STK4: variants seen among roughly 807,000 people sequenced by gnomAD.
STK4 encodes the protein serine/threonine-protein kinase 4.
In STK4, 30 loss-of-function variants were observed where a neutral mutation model predicts 64.9. The observed-to-expected ratio is 0.46, with a 90% confidence interval of 0.35 to 0.63. The LOEUF (loss-of-function observed/expected upper bound fraction) is 0.63. Among genes scored for constraint, STK4 ranks in the 20% least tolerant of loss-of-function variants. STK4 has a pLI of 0.01. For missense variants in STK4, 466 were observed against 598.5 expected (o/e 0.78, Z 2.31); for synonymous variants, 177 against 199.0 (o/e 0.89, Z 0.93).
At chr20:45,053,928 A>G (rs1161621459) in intron 10 of STK4, among the ~76,000 whole-genome samples, 1 of 151,878 alleles carries the variant, frequency 6.6e-6, no homozygotes, top group Non-Finnish European at 1.5e-5. Context: ...TTCAGCCAAA[A>G]TTTGTCCCCA....
At chr20:44,986,571 A>G (rs1048334703) in intron 4 of STK4, among the ~76,000 whole-genome samples, 1 of 152,218 alleles carries the variant, frequency 6.6e-6, no homozygotes, top group Admixed American at 6.5e-5. Context: ...TTACATTTTA[A>G]TTATAGCTTC....
At chr20:44,973,734 G>A (rs1171595181) in intron 2 of STK4, among the ~76,000 whole-genome samples, 1 of 152,086 alleles carries the variant, frequency 6.6e-6, no homozygotes, top group East Asian at 1.9e-4. Flanking sequence ...TTACTATTTT[G>A]GAGGCTCACA....
chr20:44,993,856 G>C (rs955355263), intron 5 of STK4, among the ~76,000 whole-genome samples: 7 of 152,034 alleles, frequency 4.6e-5, no homozygotes. Context: ...GTGGGCGCCT[G>C]TAATCCAAGC....
In STK4 at chr20:45,077,370, C is replaced by A. The variant is rs555204961; in HGVS notation, c.*2194C>A. On this transcript the variant is annotated 3_prime_UTR_variant, in exon 11 of 11. Transcript: ENST00000372806. ...GCACACCCCTGCACCATTTGCTGTG[C>A]GAATTAATAGTTCTGTCTCTCTCTC... The A allele has an allele frequency of 6.6e-6, 1 of 151,482 alleles. No individual in the cohort carries two copies. Among genetic ancestry groups the A allele is most frequent in the African/African-American group, 2.4e-5 (1 of 41,338 alleles). 9.4% of individuals were successfully genotyped at this position (151,482 alleles called of 1,614,324 possible).
intron 10 of STK4, among the ~76,000 whole-genome samples, chr20:45,031,368 G>A (rs2068439893): frequency 6.6e-6 from 1 of 152,132 alleles, no homozygotes; most frequent in Non-Finnish European, 1.5e-5. Flanking sequence ...CTGGAGCCGA[G>A]TGACACATGG....
In STK4 at chr20:44,978,585, G is replaced by A. The variant is rs921345379; in HGVS notation, c.245+14G>A. 1 of 1,612,928 alleles carries A rather than the reference G, an allele frequency of 6.2e-7. No individual in the cohort carries two copies. The highest frequency in any genetic ancestry group is 8.5e-7 in the Non-Finnish European group (1 of 1,179,512). On this transcript the variant is annotated intron_variant, in intron 3 of 10. Coordinates refer to ENST00000372806, the MANE Select transcript of STK4 (RefSeq NM_006282.5). ...GCAATGTGACAGGTAAAGGCATGTG[G>A]GCTTCCTTTGGGGAGAATGTGGTTT...
chr20:45,001,428 C>T, intron 9 of STK4, 75 bp downstream of exon 9: 2 of 1,499,312 alleles, frequency 1.3e-6, no homozygotes, highest in Non-Finnish European at 1.8e-6. Context: ...TCTCATGGTT[C>T]ATGCAGGCTT....
chr20:44,974,662 G>A (rs1016087117), intron 2 of STK4: 1 of 151,840 alleles, frequency 6.6e-6, no homozygotes, highest in African/African-American at 2.4e-5. Flanking sequence ...GTAGAGATGG[G>A]GTTTCACCAT....
chr20:44,984,098 G>T (rs1343027693), intron 4 of STK4, among the ~76,000 whole-genome samples: 2 of 143,372 alleles, frequency 1.4e-5, no homozygotes, highest in African/African-American at 5.2e-5. Context: ...GGCACTTTTG[G>T]TTTTTTTTTG....
chr20:45,011,729 A>ATATATATT (rs60170856), intron 9 of STK4, among the ~76,000 whole-genome samples: 50 of 115,384 alleles, frequency 4.3e-4, no homozygotes, highest in African/African-American at 1.7e-3. Context: ...ATATATATAT[A>ATATATATT]TTTTTTTTTT....
chr20:44,968,319 A>C (rs1034970345), intron 1 of STK4, among the ~76,000 whole-genome samples: 1 of 152,122 alleles, frequency 6.6e-6, no homozygotes, highest in African/African-American at 2.4e-5. Context: ...TTGTAGTTTT[A>C]GTAGAGACGG....
At chr20:44,984,260 A>T (rs6017454) in intron 4 of STK4, among the ~76,000 whole-genome samples, 62,587 of 139,442 alleles carry the variant, frequency 0.45, 14,295 homozygotes, top group Middle Eastern at 0.55. Context: ...AGTGGTGTGA[A>T]CTCGGCTCAG....
At chr20:45,028,222 A>G (rs770680640) in intron 10 of STK4, among the ~76,000 whole-genome samples, 1 of 152,010 alleles carries the variant, frequency 6.6e-6, no homozygotes, top group Non-Finnish European at 1.5e-5. Context: ...TTAAATTCCT[A>G]CCAATGGCGT....
At chr20:44,967,204 A>T in intron 1 of STK4, 1 of 985,358 alleles carries the variant, frequency 1.0e-6, no homozygotes, top group Non-Finnish European at 1.2e-6. Flanking sequence ...ATCTTTTATT[A>T]CTGATGTTCA....
At chr20:45,009,027 C>T (rs1245113364) in intron 9 of STK4, among the ~76,000 whole-genome samples, 1 of 152,074 alleles carries the variant, frequency 6.6e-6, no homozygotes, top group Non-Finnish European at 1.5e-5. Flanking sequence ...TGTGCAGAAG[C>T]TCTTTAGTTT....
intron 10 of STK4, among the ~76,000 whole-genome samples, chr20:45,066,329 A>T (rs1158217962): frequency 1.3e-5 from 2 of 152,184 alleles, no homozygotes; most frequent in African/African-American, 4.8e-5. Context: ...AACAGTATGC[A>T]AGTACTTCAT....
chr20:44,985,809 C>G (rs899836740), intron 4 of STK4, among the ~76,000 whole-genome samples: 2 of 152,180 alleles, frequency 1.3e-5, no homozygotes, highest in Non-Finnish European at 2.9e-5. Context: ...AGGTCAGTAA[C>G]TTGCTTAAGT....
At chr20:44,982,702 G>A (rs1280750827) in intron 4 of STK4, among the ~76,000 whole-genome samples, 2 of 152,086 alleles carry the variant, frequency 1.3e-5, no homozygotes, top group African/African-American at 4.8e-5. Context: ...ATGGGTTTTA[G>A]TTCTGGTTCA....
chr20:45,027,116 G>T (rs74485075), intron 10 of STK4, among the ~76,000 whole-genome samples: 2,704 of 152,186 alleles, frequency 0.018, 85 homozygotes, highest in African/African-American at 0.061. Flanking sequence ...TAGTTTCCTT[G>T]TTTTTAAATG....
Sources: gnomAD v4.1 joint callset for allele counts (sites outside exome capture counted in the v4.1 genomes callset) on GRCh38, gnomAD v4.1.1 for gene constraint, MANE v1.5 for transcripts, NCBI Gene and HGNC (gene_info 2026-07-23, HGNC 2026-07-21) for gene names.